The following TMED10 variants were observed in gnomAD, a reference collection of about 807,000 sequenced individuals.
TMED10 encodes transmembrane emp24 domain-containing protein 10.
TMED10 carries 7 observed loss-of-function variants against 23.1 expected under a neutral mutation model. That is an observed-to-expected ratio of 0.30 (90% CI 0.17 to 0.57). TMED10 has a LOEUF of 0.57. Among genes scored for constraint, TMED10 ranks in the 20% least tolerant of loss-of-function variants. The pLI, the probability that TMED10 is intolerant of heterozygous loss-of-function variation, is 0.91. For synonymous variants in TMED10, 113 were observed against 106.9 expected (o/e 1.06, Z -0.35); for missense variants, 162 against 274.8 (o/e 0.59, Z 2.90).
At chr14:75,135,292 T>A (rs1214751037) in intron 4 of TMED10, among the ~76,000 whole-genome samples, 1 of 151,884 alleles carries the variant, frequency 6.6e-6, no homozygotes, top group Non-Finnish European at 1.5e-5. Context: ...TACGAAAAAT[T>A]AGCCAGGCAT....
intron 1 of TMED10, among the ~76,000 whole-genome samples, chr14:75,163,552 CAAAAAAAAAAA>C (rs758185921): frequency 3.4e-3 from 206 of 60,802 alleles, no homozygotes; most frequent in African/African-American, 0.012. Flanking sequence ...GACTCCGTAT[CAAAAAAAAAAA>C]AAAAAAAAAA....
intron 1 of TMED10, among the ~76,000 whole-genome samples, chr14:75,170,120 G>A (rs1896213646): frequency 6.6e-6 from 1 of 152,088 alleles, no homozygotes. Flanking sequence ...CCAGCTACTT[G>A]GGAGGCTGAG....
chr14:75,174,897 G>T (rs1186233734), intron 1 of TMED10, among the ~76,000 whole-genome samples: 1 of 151,902 alleles, frequency 6.6e-6, no homozygotes, highest in Non-Finnish European at 1.5e-5. Context: ...AAAATTAGCT[G>T]GGTGTGGTGG....
At chr14:75,147,599 G>A (rs1895902592) in intron 3 of TMED10, 65 bp downstream of exon 3, 7 of 1,537,214 alleles carry the variant, frequency 4.6e-6, no homozygotes, top group South Asian at 3.4e-5. Context: ...TTGGCCTGCC[G>A]AGGTCACAGA....
At chr14:75,147,350 C>G (rs1895899336) in intron 3 of TMED10, among the ~76,000 whole-genome samples, 1 of 152,130 alleles carries the variant, frequency 6.6e-6, no homozygotes, top group South Asian at 2.1e-4. Context: ...CACGCCACCA[C>G]TCCTGGCTAA....
At chr14:75,157,919 G>A (rs1353779533) in intron 1 of TMED10, among the ~76,000 whole-genome samples, 2 of 151,424 alleles carry the variant, frequency 1.3e-5, no homozygotes, top group Non-Finnish European at 2.9e-5. Context: ...CACCCTGAGT[G>A]ACAAGAGCAA....
In TMED10 at chr14:75,176,421, T is replaced by C. The variant is rs773812980; in HGVS notation, c.159A>G (p.Leu53=). 1 of 1,614,098 alleles carries C rather than the reference T, an allele frequency of 6.2e-7. No homozygotes were observed. Among genetic ancestry groups the C allele is most frequent in the Admixed American group, 1.7e-5 (1 of 60,002 alleles). ...CGGAGATCTCGTACGCGCCAGTCACTAGCAGGTCCTTGTGAATCTCCTCAC... is the reference window on the plus strand; with the variant it reads ...CGGAGATCTCGTACGCGCCAGTCACCAGCAGGTCCTTGTGAATCTCCTCAC... ...CLREEIHKDL[L]VTGAYEISDQ... The change falls in exon 1 of 5, where the codon CTA becomes CTG. Residue 53 remains leucine (L), a synonymous_variant. Transcript: ENST00000303575.
intron 1 of TMED10, among the ~76,000 whole-genome samples, chr14:75,174,855 AC>A (rs1331907149): frequency 1.3e-5 from 2 of 152,030 alleles, no homozygotes; most frequent in East Asian, 3.9e-4. Context: ...ATCCTGGCCA[AC>A]ATGGTGAACC....
rs1895741703 is a variant in TMED10, at chr14:75,135,771, C to T, written c.527G>A (p.Arg176His). Residue 176 changes from arginine (R) to histidine (H), a missense_variant, in exon 4 of 5, where the codon CGT (arginine) becomes CAT (histidine). By Grantham distance (29) the Arg-to-His change is conservative. Coordinates refer to ENST00000303575, the MANE Select transcript of TMED10 (RefSeq NM_006827.6). ...GCCTTCCCCCTCACCGTTGGTATCA[C>T]GCATCTCCTCTTCTCTCTTCTTCAT... Reference protein sequence around the residue: ...AYMKKREEEMRDTNESTNTRV... With the variant: ...AYMKKREEEMHDTNESTNTRV... 1.9e-6 allele frequency: 3 copies of T among 1,613,832 alleles called. No individual in the cohort carries two copies. The highest frequency in any genetic ancestry group is 2.5e-6 in the Non-Finnish European group (3 of 1,179,916).
intron 1 of TMED10, among the ~76,000 whole-genome samples, chr14:75,161,240 T>C (rs1896082096): frequency 6.6e-6 from 1 of 152,206 alleles, no homozygotes; most frequent in Admixed American, 6.5e-5. Context: ...GTCCTGCCAC[T>C]GAAGCCTGCT....
At chr14:75,135,727 C>T in intron 4 of TMED10, 33 bp downstream of exon 4, 1 of 1,604,964 alleles carries the variant, frequency 6.2e-7, no homozygotes, top group South Asian at 1.1e-5. Context: ...ATTTATGGGT[C>T]ACTTAAGAAG....
intron 2 of TMED10, chr14:75,148,018 A>C: frequency 2.0e-6 from 1 of 503,126 alleles, no homozygotes; most frequent in South Asian, 2.2e-5. Flanking sequence ...TGCAACTGGT[A>C]CTACAGAGGA....
In TMED10 at chr14:75,165,987, T is replaced by TG. The variant is rs74620569; in HGVS notation, c.225+10367dup. ...CGTCATGCTTGACTTGGGGGAGGAG[T>TG]GGGGGGGTAAGAAAAGGGGAGAAAG... On this transcript the variant is annotated intron_variant, in intron 1 of 4. Transcript: ENST00000303575. 9.8e-4 allele frequency among the ~76,000 whole-genome samples: 54 copies of TG among 55,126 alleles called. No individual in the cohort carries two copies. The East Asian group carries it at 0.02, about 21-fold the overall frequency. The allele number at this position is 55,126 out of a possible 152,430, so 36.2% of individuals were successfully genotyped here.
intron 1 of TMED10, among the ~76,000 whole-genome samples, chr14:75,153,839 G>C (rs898511684): frequency 6.9e-6 from 1 of 144,980 alleles, no homozygotes; most frequent in African/African-American, 2.5e-5. Flanking sequence ...GCGTGATCTC[G>C]GCTCTCTGCA....
At position 75,138,812 on chromosome 14, in the gene TMED10, C is replaced by CTTTTTT. The variant is rs59707221; in HGVS notation, c.412-2932_412-2927dup. Among the ~76,000 whole-genome samples the CTTTTTT allele has an allele frequency of 4.0e-3, 382 of 94,918 alleles. 2 individuals carry two copies. The highest frequency in any genetic ancestry group is 4.7e-3 in the Non-Finnish European group (219 of 47,050). 62.3% of individuals were successfully genotyped at this position (94,918 alleles called of 152,430 possible). A position where few individuals can be genotyped will look rare whatever the true frequency, so the allele number is the denominator to read the frequency against. On this transcript the variant is annotated intron_variant, in intron 3 of 4. Coordinates refer to ENST00000303575, the MANE Select transcript of TMED10 (RefSeq NM_006827.6). ...CTACTGAATCCCACAGCCTTTGCTT[C>CTTTTTT]TTTTTTTTTTTTTTTTTTTTATTTT...
At chr14:75,147,935 T>C (rs1895909102) in intron 2 of TMED10, 198 bp from the exon 3 acceptor site, 1 of 610,184 alleles carries the variant, frequency 1.6e-6, no homozygotes, top group Non-Finnish European at 2.9e-6. Flanking sequence ...AGCCTCTATC[T>C]GTGTGGGGTG....
At chr14:75,163,290 C>T (rs554752138) in intron 1 of TMED10, among the ~76,000 whole-genome samples, 6 of 151,962 alleles carry the variant, frequency 3.9e-5, no homozygotes, top group African/African-American at 1.4e-4. Flanking sequence ...CGGTGGCTCA[C>T]GCCTGTAATC....
At chr14:75,153,151 GA>G in intron 1 of TMED10, among the ~76,000 whole-genome samples, 1 of 151,182 alleles carries the variant, frequency 6.6e-6, no homozygotes, top group East Asian at 2.0e-4. Context: ...CCAACATGGC[GA>G]AACCTCATCT....
intron 3 of TMED10, chr14:75,138,979 C>T (rs1263249223): frequency 3.3e-6 from 1 of 302,864 alleles, no homozygotes; most frequent in Non-Finnish European, 6.4e-6. Context: ...AGTAATAAAA[C>T]TTATTTTTTA....
Sources: gnomAD v4.1 joint callset for allele counts (sites outside exome capture counted in the v4.1 genomes callset) on GRCh38, gnomAD v4.1.1 for gene constraint, MANE v1.5 for transcripts, NCBI Gene and HGNC (gene_info 2026-07-23, HGNC 2026-07-21) for gene names.